Variants in KCND2 observed in about 807,000 individuals in gnomAD.
KCND2 encodes A-type voltage-gated potassium channel KCND2.
A neutral mutation model predicts 54.4 loss-of-function variants in KCND2; 16 were observed. The observed-to-expected ratio is 0.29, with a 90% CI of 0.20 to 0.45. The LOEUF (loss-of-function observed/expected upper bound fraction) is 0.45. Among genes scored for constraint, KCND2 ranks in the 20% least tolerant of loss-of-function variants. The probability of loss-of-function intolerance (pLI) is 1.00; values close to 1 mark genes in which losing one functional copy is unlikely to be tolerated. For missense variants in KCND2, 486 were observed against 824.2 expected, an observed-to-expected ratio of 0.59 and a Z score of 5.02; for synonymous variants, 317 against 310.7, an observed-to-expected ratio of 1.02 and a Z score of -0.21.
chr7:120,410,605 G>A, intron 1 of KCND2, among the ~76,000 whole-genome samples: 1 of 151,910 alleles, frequency 6.6e-6, no homozygotes, highest in Non-Finnish European at 1.5e-5. Context: ...GTGCAGGTTT[G>A]TTACATATGT....
chr7:120,436,882 C>T lies in KCND2; in HGVS notation c.1115+161135C>T, dbSNP rs140379528. Among the ~76,000 whole-genome samples, 714 of 152,318 alleles carry T rather than the reference C, an allele frequency of 4.7e-3. 7 individuals are homozygous for T. The highest frequency in any genetic ancestry group is 0.016 in the African/African-American group (672 of 41,570). Reference sequence around the variant, plus strand: ...AGCCCACATGCCCAGTCAAACTTTGCTCTTTGAGAGCCCCAATTCATCAAA... The same window carrying T: ...AGCCCACATGCCCAGTCAAACTTTGTTCTTTGAGAGCCCCAATTCATCAAA... On this transcript the variant is annotated intron_variant, in intron 1 of 5. Transcript: ENST00000331113.
chr7:120,700,248 T>C (rs1422198997), intron 1 of KCND2, among the ~76,000 whole-genome samples: 2 of 152,216 alleles, frequency 1.3e-5, no homozygotes, highest in African/African-American at 2.4e-5. Flanking sequence ...TTAATGGCAA[T>C]GTTTAGAGCA....
At chr7:120,736,557 A>G (rs1320292441) in intron 2 of KCND2, among the ~76,000 whole-genome samples, 1 of 152,060 alleles carries the variant, frequency 6.6e-6, no homozygotes, top group Non-Finnish European at 1.5e-5. Context: ...TATATGGATC[A>G]CATCACCTAA....
chr7:120,446,297 T>C (rs1308356978), intron 1 of KCND2, among the ~76,000 whole-genome samples: 1 of 152,180 alleles, frequency 6.6e-6, no homozygotes, highest in Non-Finnish European at 1.5e-5. Flanking sequence ...ATTTGATCTT[T>C]AAATAAATCA....
At chr7:120,419,330 C>T (rs1193885600) in intron 1 of KCND2, among the ~76,000 whole-genome samples, 2 of 151,972 alleles carry the variant, frequency 1.3e-5, no homozygotes, top group Non-Finnish European at 2.9e-5. Flanking sequence ...TTTCCCATTG[C>T]TTTTGCATTT....
Position 120,709,477 on chromosome 7 carries a change from C to T in KCND2, c.1116-23426C>T, listed in dbSNP as rs543590125. Among the ~76,000 whole-genome samples the T allele has an allele frequency of 7.2e-5, 11 of 152,218 alleles. No individual in the cohort carries two copies. The South Asian group carries it at 2.3e-3, about 32-fold the overall frequency. ...TTTTATGTCACTTCTTAATTATGCA[C>T]ACATTAGATGAACATTTTCTACCTT... On this transcript the variant is annotated intron_variant, in intron 1 of 5. Transcript: ENST00000331113.
At chr7:120,580,122 A>G (rs932701871) in intron 1 of KCND2, among the ~76,000 whole-genome samples, 5 of 152,220 alleles carry the variant, frequency 3.3e-5, no homozygotes, top group Non-Finnish European at 5.9e-5. Context: ...TACTAGTTCA[A>G]TCAGGATTTA....
rs532137923 is a variant in KCND2 at position 120,538,815 on chromosome 7, C to G, written c.1116-194088C>G. 7.2e-5 allele frequency among the ~76,000 whole-genome samples: 11 copies of G among 152,246 alleles called. No individual in the cohort carries two copies. In the South Asian group the frequency reaches 2.1e-3, roughly 29 times the overall value. On this transcript the variant is annotated intron_variant, in intron 1 of 5. Transcript: ENST00000331113. ...CCCTGACTGATGCACTTTATGAGCT[C>G]GGTGAGAAGGGCCCTGTATTCACCT...
chr7:120,580,980 ATAAT>A (rs1484533596), intron 1 of KCND2, among the ~76,000 whole-genome samples: 12 of 152,250 alleles, frequency 7.9e-5, no homozygotes, highest in African/African-American at 2.7e-4. Context: ...TTCAACTCCA[ATAAT>A]TCATTTAAGC....
chr7:120,680,159 A>G (rs961858232), intron 1 of KCND2, among the ~76,000 whole-genome samples: 2 of 152,134 alleles, frequency 1.3e-5, no homozygotes, highest in African/African-American at 2.4e-5. Flanking sequence ...TTATAGCCCA[A>G]ACAAGGTACA....
At position 120,464,027 on chromosome 7, in the gene KCND2, T is replaced by G. The variant is rs540245864; in HGVS notation, c.1115+188280T>G. 2.3e-5 allele frequency: 23 copies of G among 984,310 alleles called. No individual in the cohort carries two copies. In the East Asian group the frequency reaches 5.7e-4, roughly 24 times the overall value. 61.0% of individuals were successfully genotyped at this position (984,310 alleles called of 1,614,324 possible). On this transcript the variant is annotated intron_variant, in intron 1 of 5. Coordinates refer to ENST00000331113, the MANE Select transcript of KCND2 (RefSeq NM_012281.3). Reference sequence around the variant, plus strand: ...ATGTTTCTTAGTTTTGTTTTTTTTTTTTTTTCTTGCAGTTGAGCCTTTTGC... The same window carrying G: ...ATGTTTCTTAGTTTTGTTTTTTTTTGTTTTTCTTGCAGTTGAGCCTTTTGC...
At chr7:120,546,089 T>A (rs755445433) in intron 1 of KCND2, among the ~76,000 whole-genome samples, 3 of 151,936 alleles carry the variant, frequency 2.0e-5, no homozygotes, top group Non-Finnish European at 4.4e-5. Context: ...TGTAAATGCT[T>A]AATTATTTTC....
chr7:120,710,300 A>C (rs1049545946), intron 1 of KCND2, among the ~76,000 whole-genome samples: 1 of 152,198 alleles, frequency 6.6e-6, no homozygotes, highest in Non-Finnish European at 1.5e-5. Context: ...TTATTTGCAG[A>C]CATTTATAAT....
chr7:120,527,716 A>G (rs1791793327), intron 1 of KCND2, among the ~76,000 whole-genome samples: 1 of 152,100 alleles, frequency 6.6e-6, no homozygotes, highest in East Asian at 1.9e-4. Flanking sequence ...AAATAAATTC[A>G]TGTACATTTT....
intron 1 of KCND2, among the ~76,000 whole-genome samples, chr7:120,362,018 A>G (rs1474809718): frequency 6.6e-6 from 1 of 152,004 alleles, no homozygotes; most frequent in African/African-American, 2.4e-5. Context: ...TTATAACCAA[A>G]TCCATAATCT....
intron 1 of KCND2, among the ~76,000 whole-genome samples, chr7:120,384,994 A>G (rs954552380): frequency 7.7e-6 from 1 of 130,164 alleles, no homozygotes; most frequent in Non-Finnish European, 1.6e-5. Context: ...GCATTTGTAT[A>G]TAACTTTTTT....
intron 1 of KCND2, among the ~76,000 whole-genome samples, chr7:120,430,038 T>C (rs1801767426): frequency 6.6e-6 from 1 of 152,200 alleles, no homozygotes; most frequent in African/African-American, 2.4e-5. Flanking sequence ...TGTTCTGTGT[T>C]ACTGACTTAA....
chr7:120,421,405 A>G (rs1172776235), intron 1 of KCND2, among the ~76,000 whole-genome samples: 8 of 152,242 alleles, frequency 5.3e-5, no homozygotes. Flanking sequence ...CTGCATTTTC[A>G]CTGAAGTGAC....
chr7:120,332,191 G>A (rs1800079376), intron 1 of KCND2, among the ~76,000 whole-genome samples: 1 of 151,978 alleles, frequency 6.6e-6, no homozygotes, highest in African/African-American at 2.4e-5. Flanking sequence ...TTCTGAAACA[G>A]CTCTTGAATT....
Sources: gnomAD v4.1 joint callset for allele counts (sites outside exome capture counted in the v4.1 genomes callset) on GRCh38, gnomAD v4.1.1 for gene constraint, MANE v1.5 for transcripts, NCBI Gene and HGNC (gene_info 2026-07-23, HGNC 2026-07-21) for gene names.